The following GRM4 variants were observed in gnomAD, a reference collection of about 807,000 sequenced individuals.
GRM4 encodes the protein glutamate metabotropic receptor 4, also known as metabotropic glutamate receptor 4.
A neutral mutation model predicts 81.7 loss-of-function variants in GRM4; 28 were observed. The ratio of observed to expected loss-of-function variants is 0.34; its 90% CI spans 0.25 to 0.47. The LOEUF (loss-of-function observed/expected upper bound fraction) is 0.47. Among genes scored for constraint, GRM4 ranks in the 20% least tolerant of loss-of-function variants. The pLI is 1.00. For synonymous variants in GRM4, 488 were observed against 528.8 expected (o/e 0.92, Z 1.06); for missense variants, 948 against 1,290.0 (o/e 0.73, Z 4.06).
chr6:34,082,272 A>AAAAT (rs905621004), intron 3 of GRM4, among the ~76,000 whole-genome samples: 18 of 152,330 alleles, frequency 1.2e-4, no homozygotes, highest in South Asian at 8.3e-4. Flanking sequence ...CAAATATATC[A>AAAAT]AAATAAATAA....
rs982940593 is a variant in GRM4, at chr6:34,032,910, G to A, written c.2442+2758C>T. Among the ~76,000 whole-genome samples the A allele has an allele frequency of 4.6e-5, 7 of 152,284 alleles. No individual in the cohort carries two copies. In the South Asian group the frequency reaches 1.2e-3, roughly 27 times the overall value. On this transcript the variant is annotated intron_variant, in intron 9 of 10. Transcript: ENST00000538487. ...GTGGAGGGAGGGGCTTAACCATCACGTGTGGGCCTCCCAGCCAGGTACCTT... is the reference window on the plus strand; with the variant it reads ...GTGGAGGGAGGGGCTTAACCATCACATGTGGGCCTCCCAGCCAGGTACCTT...
intron 1 of GRM4, among the ~76,000 whole-genome samples, chr6:34,142,088 C>T (rs1215528128): frequency 3.3e-5 from 5 of 152,218 alleles, no homozygotes; most frequent in East Asian, 3.8e-4. Flanking sequence ...GAGCCCTCTC[C>T]GTTCTTTCCA....
In GRM4 at chr6:34,152,914, C is replaced by A. The variant is rs1314926313; in HGVS notation, c.312+2165G>T. On this transcript the variant is annotated intron_variant, in intron 1 of 8. Transcript: ENST00000374177. The surrounding 1 kb of genome is among the most constrained non-coding windows in gnomAD (Gnocchi z 4.1). ...GGGCCAGGGCCTGCAGAGACCCAGG[C>A]TGGGGGTGGAGTAGGTGGCACACCG... Among the ~76,000 whole-genome samples, 1 of 152,022 alleles carries A rather than the reference C, an allele frequency of 6.6e-6. No homozygotes were observed. Among genetic ancestry groups the A allele is most frequent in the African/African-American group, 2.4e-5 (1 of 41,372 alleles).
At position 34,133,500 on chromosome 6, in the gene GRM4, G is replaced by A. The variant is rs77939098; in HGVS notation, c.-4C>T. 1.8e-3 allele frequency: 2,858 copies of A among 1,553,450 alleles called. 19 individuals are homozygous for A. The highest frequency in any genetic ancestry group is 8.5e-3 in the East Asian group (378 of 44,402). ...CCAAGCCTCTCTTCCCAGGCATCTC[G>A]GAAATCCCTAGAGACCCATGAACGG... On this transcript the variant is annotated 5_prime_UTR_variant, in exon 2 of 11. Transcript: ENST00000538487. This position sits in a 1 kb window ranked among gnomAD's most constrained non-coding sequence, Gnocchi z 6.5.
intron 3 of GRM4, among the ~76,000 whole-genome samples, chr6:34,075,315 C>T (rs1317171087): frequency 6.6e-6 from 1 of 152,192 alleles, no homozygotes; most frequent in Non-Finnish European, 1.5e-5. Context: ...CTTTCCAGTC[C>T]TCTCCTCCGC....
At chr6:34,127,193 T>C (rs1042922132) in intron 2 of GRM4, among the ~76,000 whole-genome samples, 2 of 152,110 alleles carry the variant, frequency 1.3e-5, no homozygotes, top group African/African-American at 4.8e-5. Flanking sequence ...TGACTGCAAC[T>C]GTGATGAGCG....
chr6:34,120,235 G>A (rs1019047290), intron 2 of GRM4, among the ~76,000 whole-genome samples: 18 of 151,830 alleles, frequency 1.2e-4, no homozygotes, highest in Admixed American at 3.3e-4. Flanking sequence ...AGACCCTCAG[G>A]CACCCCTCTC....
intron 8 of GRM4, among the ~76,000 whole-genome samples, chr6:34,039,745 G>A (rs1440309713): frequency 2.0e-5 from 3 of 152,150 alleles, no homozygotes; most frequent in African/African-American, 4.8e-5. Flanking sequence ...TTCAACCTGG[G>A]TCCTTTGCCT....
Position 34,033,640 on chromosome 6 carries a change from C to T in GRM4, c.2442+2028G>A, listed in dbSNP as rs139736616. Among the ~76,000 whole-genome samples, 323 of 152,302 alleles carry T rather than the reference C, an allele frequency of 2.1e-3. 1 individual carries two copies. The highest frequency in any genetic ancestry group is 6.9e-3 in the African/African-American group (288 of 41,574). ...AGGCAACCCTGGGAGCTCAGACTGG[C>T]GCTCACAGCTCGCTCTTTCTTTCTC... On this transcript the variant is annotated intron_variant, in intron 9 of 10. Transcript: ENST00000538487.
intron 1 of GRM4, among the ~76,000 whole-genome samples, chr6:34,135,808 G>A (rs756180743): frequency 5.3e-5 from 8 of 152,238 alleles, no homozygotes; most frequent in Non-Finnish European, 8.8e-5. Context: ...AGCCATAGAC[G>A]AATCTCATGG....
Position 34,040,734 on chromosome 6 carries a change from C to A in GRM4, c.1183G>T (p.Gly395Trp). 6.2e-7 allele frequency: 1 copy of A among 1,613,634 alleles called. No individual in the cohort carries two copies. The highest frequency in any genetic ancestry group is 1.1e-5 in the South Asian group (1 of 91,070). ...VKKCTNRERIGQDSAYEQEGK... is the reference protein window; with the variant it reads ...VKKCTNRERIWQDSAYEQEGK... ...TCCTGCTCATAAGCTGAATCCTGCC[C>A]AATTCGCTCACGGTCTGCAATGAAA... is the stretch of plus-strand genomic sequence containing the variant. The change falls in exon 7 of 11, where the codon GGG becomes TGG. Residue 395 changes from glycine to tryptophan, a missense_variant. Transcript: ENST00000538487.
chr6:34,090,313 G>A lies in GRM4; in HGVS notation c.736+1570C>T, dbSNP rs1370298539. 6.6e-6 allele frequency among the ~76,000 whole-genome samples: 1 copy of A among 152,164 alleles called. No homozygotes were observed. Among genetic ancestry groups the A allele is most frequent in the African/African-American group, 2.4e-5 (1 of 41,434 alleles). On this transcript the variant is annotated intron_variant, in intron 3 of 10. Transcript: ENST00000538487. The surrounding 1 kb of genome is among the most constrained non-coding windows in gnomAD (Gnocchi z 5.2). ...CAGAGGTCATGCATTAAACAGAAAA[G>A]GTAGGAGGTTGGTTTGGGGAAGAGT...
rs765102640 is a variant in GRM4, at chr6:34,078,286, C to A, written c.736+13597G>T. ...ACCTTCTGCTTCTTCTCTGTCTCCC[C>A]CCAAATACACACTCTCTTCGATCAT... On this transcript the variant is annotated intron_variant, in intron 3 of 10. Coordinates refer to ENST00000538487, the MANE Select transcript of GRM4 (RefSeq NM_000841.4). The surrounding 1 kb of genome is among the most constrained non-coding windows in gnomAD (Gnocchi z 4.8). Among the ~76,000 whole-genome samples, 62 of 152,196 alleles carry A rather than the reference C, an allele frequency of 4.1e-4. No individual in the cohort carries two copies. Among genetic ancestry groups the A allele is most frequent in the African/African-American group, 1.4e-3 (57 of 41,474 alleles).
intron 1 of GRM4, among the ~76,000 whole-genome samples, chr6:34,144,738 G>T (rs1034565777): frequency 6.6e-6 from 1 of 152,072 alleles, no homozygotes; most frequent in Non-Finnish European, 1.5e-5. Context: ...ACCGGGATGC[G>T]CTAATGCCGC....
intron 1 of GRM4, among the ~76,000 whole-genome samples, chr6:34,154,625 A>ACACG (rs1221987780): frequency 1.3e-5 from 2 of 150,724 alleles, no homozygotes; most frequent in African/African-American, 4.9e-5. Flanking sequence ...ACACACACAC[A>ACACG]CACTCTTAGA....
intron 1 of GRM4, among the ~76,000 whole-genome samples, chr6:34,153,713 C>T (rs1771092333): frequency 6.6e-6 from 1 of 152,098 alleles, no homozygotes; most frequent in Admixed American, 6.5e-5. Flanking sequence ...TGGTGAAACC[C>T]CGTTTCTACT....
intron 2 of GRM4, among the ~76,000 whole-genome samples, chr6:34,129,630 G>A (rs972779099): frequency 2.0e-5 from 3 of 152,160 alleles, no homozygotes; most frequent in Non-Finnish European, 4.4e-5. Context: ...CTTCTGGTCC[G>A]CAACAGAGGC....
chr6:34,062,317 C>T (rs1032687523), intron 3 of GRM4: 2 of 333,258 alleles, frequency 6.0e-6, no homozygotes, highest in South Asian at 8.8e-5. Context: ...TGCTTAGGAG[C>T]TAGACTGCCT....
chr6:34,129,793 A>G (rs978168593), intron 2 of GRM4, among the ~76,000 whole-genome samples: 1 of 152,158 alleles, frequency 6.6e-6, no homozygotes, highest in African/African-American at 2.4e-5. Flanking sequence ...GGCCCCTTCC[A>G]GCTCTGAGCC....
Sources: allele counts gnomAD v4.1 joint callset (sites outside exome capture counted in the v4.1 genomes callset), GRCh38; gene constraint gnomAD v4.1.1; non-coding constraint Gnocchi (gnomAD v3.1); transcripts MANE v1.5; gene names NCBI Gene and HGNC (gene_info 2026-07-23, HGNC 2026-07-21).